APH1B: variants seen among roughly 807,000 people sequenced by gnomAD.
APH1B encodes the protein aph-1B gamma-secretase subunit, also known as gamma-secretase subunit APH-1B.
APH1B carries 27 observed loss-of-function variants against 28.2 expected under a neutral mutation model. The ratio of observed to expected loss-of-function variants is 0.96; its 90% CI spans 0.70 to 1.32. The LOEUF is 1.32. Among genes scored for constraint, APH1B ranks in the 40% most tolerant of loss-of-function variants. The probability of loss-of-function intolerance (pLI) is 0.00; values close to 1 mark genes in which losing one functional copy is unlikely to be tolerated. For synonymous variants in APH1B, 141 were observed against 124.6 expected, an observed-to-expected ratio of 1.13 and a Z score of -0.88; for missense variants, 305 against 313.6, an observed-to-expected ratio of 0.97 and a Z score of 0.21.
At chr15:63,289,615 C>G (rs1234071685) in intron 4 of APH1B, among the ~76,000 whole-genome samples, 1 of 152,146 alleles carries the variant, frequency 6.6e-6, no homozygotes, top group African/African-American at 2.4e-5. Context: ...ACAGTCAGAA[C>G]AAGAAAAAAC....
rs1395895470 is a variant in APH1B at position 63,304,699 on chromosome 15, T to C, written c.607-915T>C. Among the ~76,000 whole-genome samples, 1 of 152,252 alleles carries C rather than the reference T, an allele frequency of 6.6e-6. No homozygotes were observed. Among genetic ancestry groups the C allele is most frequent in the Non-Finnish European group, 1.5e-5 (1 of 68,040 alleles). On this transcript the variant is annotated intron_variant, in intron 5 of 5. Transcript: ENST00000261879. This position sits in a 1 kb window ranked among gnomAD's most constrained non-coding sequence, Gnocchi z 5.1. ...TTCTATTTTTCTCATTTTTGGGTTG[T>C]AATTTTCTACAACAATCATGTATTG... is the stretch of plus-strand genomic sequence containing the variant.
intron 1 of APH1B, 110 bp downstream of exon 1, chr15:63,277,846 A>C: frequency 9.3e-7 from 1 of 1,079,208 alleles, no homozygotes; most frequent in Non-Finnish European, 1.3e-6. Flanking sequence ...TGCGTTTCAG[A>C]CGGGAGGAGG....
In APH1B at chr15:63,305,508, C is replaced by T. The variant is rs2038676825; in HGVS notation, c.607-106C>T. 2.2e-6 allele frequency: 3 copies of T among 1,333,474 alleles called. No individual in the cohort carries two copies. The African/African-American group carries it at 4.4e-5, about 19-fold the overall frequency. The allele number at this position is 1,333,474 out of a possible 1,614,324, so 82.6% of individuals were successfully genotyped here. A position where few individuals can be genotyped will look rare whatever the true frequency, so the allele number is the denominator to read the frequency against. On this transcript the variant is annotated intron_variant, in intron 5 of 5. Transcript: ENST00000261879. ...CACACATCATACGTTTGGTGAAACA[C>T]ACCCAAGTTCTTGAAAGTATTCCAT...
intron 4 of APH1B, among the ~76,000 whole-genome samples, chr15:63,300,458 G>A (rs936244187): frequency 6.6e-6 from 1 of 152,040 alleles, no homozygotes; most frequent in Non-Finnish European, 1.5e-5. Context: ...TAAAAAATCA[G>A]TGTTTCCATT....
chr15:63,306,282 T>G lies in APH1B; in HGVS notation c.*501T>G, dbSNP rs2038687216. ...CAAAAGGCTAAAGGGCTATCACCCC[T>G]GCTCACTGTTTGCGTGTACTTCACC... is the stretch of plus-strand genomic sequence containing the variant. On this transcript the variant is annotated 3_prime_UTR_variant, in exon 6 of 6. Coordinates refer to ENST00000261879, the MANE Select transcript of APH1B (RefSeq NM_031301.4). The G allele has an allele frequency of 6.5e-6, 1 of 154,716 alleles. No individual in the cohort carries two copies. The highest frequency in any genetic ancestry group is 2.4e-5 in the African/African-American group (1 of 41,482). 9.6% of individuals were successfully genotyped at this position (154,716 alleles called of 1,614,324 possible).
intron 2 of APH1B, among the ~76,000 whole-genome samples, chr15:63,280,448 G>A (rs560367551): frequency 2.6e-5 from 4 of 152,188 alleles, no homozygotes; most frequent in South Asian, 4.1e-4. Flanking sequence ...CATGAATTTC[G>A]TGGATATAAC....
chr15:63,287,577 C>T (rs200743742), intron 4 of APH1B, 31 bp downstream of exon 4: 3 of 1,608,204 alleles, frequency 1.9e-6, no homozygotes, highest in Admixed American at 3.4e-5. Flanking sequence ...AACATTCAGG[C>T]TTCTAGTCTA....
At chr15:63,293,497 T>G (rs1338235531) in intron 4 of APH1B, among the ~76,000 whole-genome samples, 1 of 147,584 alleles carries the variant, frequency 6.8e-6, no homozygotes, top group Non-Finnish European at 1.5e-5. Context: ...TTCTTCTTCT[T>G]CTTTTTTTTT....
Position 63,308,923 on chromosome 15 carries a change from A to G in APH1B, c.*3142A>G, listed in dbSNP as rs1474374580. 2.0e-5 allele frequency: 3 copies of G among 152,186 alleles called. No homozygotes were observed. Among genetic ancestry groups the G allele is most frequent in the Non-Finnish European group, 4.4e-5 (3 of 68,038 alleles). 9.4% of individuals were successfully genotyped at this position (152,186 alleles called of 1,614,324 possible). On this transcript the variant is annotated 3_prime_UTR_variant, in exon 6 of 6. Coordinates refer to ENST00000261879, the MANE Select transcript of APH1B (RefSeq NM_031301.4). ...GATTGCAGTGTTTGTTTCTTATTTA[A>G]TAGGCTTTTTACTTCATTCTATTAA...
Position 63,287,361 on chromosome 15 carries a change from C to T in APH1B, c.356-63C>T. 3 of 1,597,958 alleles carry T rather than the reference C, an allele frequency of 1.9e-6. No homozygotes were observed. The South Asian group carries it at 3.4e-5, about 18-fold the overall frequency. ...CCAACACACTTTGTATTAACTAGTC[C>T]TTGGAAATTTGACTTGAAATCTTGG... On this transcript the variant is annotated intron_variant, in intron 3 of 5. Transcript: ENST00000261879.
chr15:63,291,809 AT>A (rs1465761789), intron 4 of APH1B: 3 of 152,224 alleles, frequency 2.0e-5, no homozygotes, highest in Non-Finnish European at 4.4e-5. Flanking sequence ...AAGTATTTGC[AT>A]GATTGGACCT....
chr15:63,300,766 G>A (rs1037473707), intron 4 of APH1B, among the ~76,000 whole-genome samples: 1 of 152,132 alleles, frequency 6.6e-6, no homozygotes, highest in Non-Finnish European at 1.5e-5. Context: ...CAACAGTTAC[G>A]TCTTTTAGTT....
intron 4 of APH1B, among the ~76,000 whole-genome samples, chr15:63,293,928 A>G (rs963155856): frequency 8.0e-5 from 12 of 150,820 alleles, no homozygotes; most frequent in African/African-American, 2.9e-4. Flanking sequence ...AAACTCAGCT[A>G]ATTTTTTTTT....
At chr15:63,287,171 C>A in intron 3 of APH1B, 1 of 378,886 alleles carries the variant, frequency 2.6e-6, no homozygotes, top group Non-Finnish European at 4.8e-6. Flanking sequence ...TTCTTCTGTG[C>A]CTTTCTAGAC....
At chr15:63,281,183 C>T (rs1435907418) in intron 2 of APH1B, among the ~76,000 whole-genome samples, 3 of 152,002 alleles carry the variant, frequency 2.0e-5, no homozygotes, top group Non-Finnish European at 2.9e-5. Flanking sequence ...TGACCGCTGC[C>T]TTACTCAAGT....
At chr15:63,292,982 C>G (rs1432434972) in intron 4 of APH1B, among the ~76,000 whole-genome samples, 1 of 152,130 alleles carries the variant, frequency 6.6e-6, no homozygotes, top group African/African-American at 2.4e-5. Context: ...CACTGAATCA[C>G]TGATGTCTCT....
chr15:63,280,776 G>A (rs1165659690), intron 2 of APH1B, among the ~76,000 whole-genome samples: 2 of 152,184 alleles, frequency 1.3e-5, no homozygotes, highest in Non-Finnish European at 2.9e-5. Context: ...ATCTAGCTGT[G>A]TTTGAATGTT....
chr15:63,302,673 TA>T (rs2152602172), intron 5 of APH1B, among the ~76,000 whole-genome samples: 1 of 152,294 alleles, frequency 6.6e-6, no homozygotes, highest in Non-Finnish European at 1.5e-5. Context: ...CTTATTGAAA[TA>T]TTTTTTTCCC....
intron 4 of APH1B, among the ~76,000 whole-genome samples, chr15:63,299,282 AT>A (rs2038599513): frequency 6.6e-6 from 1 of 152,212 alleles, no homozygotes; most frequent in South Asian, 2.1e-4. Context: ...TGGACCTAGA[AT>A]TTGGAAGAAA....
Sources: allele counts gnomAD v4.1 joint callset (sites outside exome capture counted in the v4.1 genomes callset), GRCh38; gene constraint gnomAD v4.1.1; non-coding constraint Gnocchi (gnomAD v3.1); transcripts MANE v1.5; gene names NCBI Gene and HGNC (gene_info 2026-07-23, HGNC 2026-07-21).